Variants in OR9I1 observed in about 807,000 individuals in gnomAD.
OR9I1 encodes the protein olfactory receptor family 9 subfamily I member 1, also known as olfactory receptor 9I1.
In OR9I1, 7 loss-of-function variants were observed where a neutral mutation model predicts 11.2. The observed-to-expected ratio is 0.62, with a 90% CI of 0.36 to 1.17. OR9I1 has a LOEUF of 1.17. Ranked by LOEUF, OR9I1 falls within the 50% of genes most tolerant of loss-of-function variation. OR9I1 has a pLI of 0.02. For synonymous variants in OR9I1, 165 were observed against 153.4 expected, an observed-to-expected ratio of 1.08 and a Z score of -0.56; for missense variants, 428 against 377.2, an observed-to-expected ratio of 1.13 and a Z score of -1.12.
chr11:58,118,628 C>A lies in OR9I1; in HGVS notation c.817G>T (p.Val273Phe). 6.2e-7 allele frequency: 1 copy of A among 1,613,886 alleles called. No homozygotes were observed. Among genetic ancestry groups the A allele is most frequent in the Non-Finnish European group, 8.5e-7 (1 of 1,179,884 alleles). The change falls in exon 3 of 3, where the codon GTC becomes TTC. Residue 273 changes from valine to phenylalanine, a missense_variant. By Grantham distance (50) the Val-to-Phe change is conservative. Coordinates refer to ENST00000641439, the MANE Select transcript of OR9I1 (RefSeq NM_001005211.2). The stretch of plus-strand genomic sequence containing the variant: ...ACCACTGTATAGAAGACAGACACGA[C>A]TTTGTCTTCCTCCAGAGATTTGCCT... ...GSGKSLEEDK[V>F]VSVFYTVVIP... is the part of the protein sequence containing the mutation.
intron 2 of OR9I1, among the ~76,000 whole-genome samples, chr11:58,121,934 G>A (rs1369507097): frequency 6.6e-6 from 1 of 152,170 alleles, no homozygotes; most frequent in Non-Finnish European, 1.5e-5. Flanking sequence ...ACAACTGACA[G>A]AGGTTAATGA....
chr11:58,122,823 T>C (rs1053102737), intron 2 of OR9I1, among the ~76,000 whole-genome samples: 1 of 152,174 alleles, frequency 6.6e-6, no homozygotes, highest in African/African-American at 2.4e-5. Flanking sequence ...TTTTCATATT[T>C]ATTTAGAAAT....
In OR9I1 at chr11:58,118,437, C is replaced by A. The variant is rs758913342; in HGVS notation, c.*63G>T. The A allele has an allele frequency of 1.2e-5, 13 of 1,062,926 alleles. No individual in the cohort carries two copies. The highest frequency in any genetic ancestry group is 1.6e-5 in the Non-Finnish European group (12 of 728,140). The allele number at this position is 1,062,926 out of a possible 1,614,324, so 65.8% of individuals were successfully genotyped here. A position where few individuals can be genotyped will look rare whatever the true frequency, so the allele number is the denominator to read the frequency against. On this transcript the variant is annotated 3_prime_UTR_variant, in exon 3 of 3. Transcript: ENST00000641439. Reference sequence around the variant, plus strand: ...GTATAGGTTGCATATAGTAATGGTGCCTATTAGGATATATTCATATGGGAA... The same window carrying A: ...GTATAGGTTGCATATAGTAATGGTGACTATTAGGATATATTCATATGGGAA...
In OR9I1 at chr11:58,117,398, C is replaced by T. The variant is rs1853966857; in HGVS notation, c.*1102G>A. On this transcript the variant is annotated 3_prime_UTR_variant, in exon 3 of 3. Transcript: ENST00000641439. ...CTCTTTGACTCATGAGGAAGTACTT[C>T]CTTAATTGCAAAATGGGAATTTTAC... is the stretch of plus-strand genomic sequence containing the variant. 7.0e-6 allele frequency: 1 copy of T among 143,270 alleles called. No homozygotes were observed. The allele number at this position is 143,270 out of a possible 1,614,324, so 8.9% of individuals were successfully genotyped here. A position where few individuals can be genotyped will look rare whatever the true frequency, so the allele number is the denominator to read the frequency against.
Position 58,118,811 on chromosome 11 carries a change from A to G in OR9I1, c.634T>C (p.Ser212Pro), listed in dbSNP as rs371509891. ...AGCAGATAGGAAATCAGGATGACGGAGGCATTGGCCAAAATCACAAAATTG... is the reference window on the plus strand; with the variant it reads ...AGCAGATAGGAAATCAGGATGACGGGGGCATTGGCCAAAATCACAAAATTG... ...FGNFVILANA[S>P]VILISYLLII... Residue 212 changes from serine to proline, a missense_variant, in exon 3 of 3, where the codon TCC (serine) becomes CCC (proline). Ser to Pro is a moderately conservative substitution (Grantham distance 74). Transcript: ENST00000641439. 15 of 1,613,986 alleles carry G rather than the reference A, an allele frequency of 9.3e-6. No homozygotes were observed. The highest frequency in any genetic ancestry group is 1.7e-5 in the Admixed American group (1 of 60,004).
rs980261351 is a variant in OR9I1, at chr11:58,122,993, C to T, written c.-23+1445G>A. On this transcript the variant is annotated intron_variant, in intron 2 of 2. Transcript: ENST00000641439. ...TTTTTCGGATTTTGTTATGGTCTTG[C>T]TTGGTATGCTTATAACATATTTTAC... Among the ~76,000 whole-genome samples, 3 of 149,952 alleles carry T rather than the reference C, an allele frequency of 2.0e-5. No homozygotes were observed. The South Asian group carries it at 6.3e-4, about 32-fold the overall frequency.
At chr11:58,122,735 T>C (rs1224713988) in intron 2 of OR9I1, among the ~76,000 whole-genome samples, 1 of 151,878 alleles carries the variant, frequency 6.6e-6, no homozygotes, top group Non-Finnish European at 1.5e-5. Context: ...TAGTCCTGCC[T>C]CATTCTTACT....
chr11:58,119,445 G>A lies in OR9I1; in HGVS notation c.-1C>T, dbSNP rs1230009256. The stretch of plus-strand genomic sequence containing the variant: ...CTCTGGTGAGATTATTCTTGGCCAT[G>A]GAGACAATGTGGACTGTTGGTCTGA... On this transcript the variant is annotated 5_prime_UTR_variant, in exon 3 of 3. Coordinates refer to ENST00000641439, the MANE Select transcript of OR9I1 (RefSeq NM_001005211.2). 6.3e-7 allele frequency: 1 copy of A among 1,581,442 alleles called. No individual in the cohort carries two copies. Among genetic ancestry groups the A allele is most frequent in the African/African-American group, 1.3e-5 (1 of 74,198 alleles).
Position 58,119,065 on chromosome 11 carries a change from C to T in OR9I1, c.380G>A (p.Arg127His), listed in dbSNP as rs747198304. Reference protein sequence around the residue: ...VMAYDRYAAIRNPLLYTVAMN... With the variant: ...VMAYDRYAAIHNPLLYTVAMN... The stretch of plus-strand genomic sequence containing the variant: ...GGCCACGGTATAGAGCAGTGGGTTG[C>T]GAATGGCAGCATAGCGATCATAGGC... Residue 127 changes from arginine to histidine, a missense_variant, in exon 3 of 3, where the codon CGC becomes CAC. Physicochemically the swap from Arg to His is conservative, Grantham distance 29. Transcript: ENST00000641439. 2.5e-5 allele frequency: 41 copies of T among 1,613,798 alleles called. No individual in the cohort carries two copies. Among genetic ancestry groups the T allele is most frequent in the South Asian group, 3.3e-5 (3 of 91,084 alleles).
In OR9I1 at chr11:58,125,337, T is replaced by C. The variant is rs1590604541; in HGVS notation, c.-288A>G. On this transcript the variant is annotated 5_prime_UTR_variant, in exon 1 of 3. Transcript: ENST00000641439. ...CATGGTCCTATCAGATGACAACTTC[T>C]GATGACAAAGGCAAGATTCTCTGCC... The C allele has an allele frequency of 1.3e-5, 2 of 148,360 alleles. No individual in the cohort carries two copies. Among genetic ancestry groups the C allele is most frequent in the Admixed American group, 6.9e-5 (1 of 14,492 alleles). The allele number at this position is 148,360 out of a possible 1,614,324, so 9.2% of individuals were successfully genotyped here. A position where few individuals can be genotyped will look rare whatever the true frequency, so the allele number is the denominator to read the frequency against.
chr11:58,119,246 A>G lies in OR9I1; in HGVS notation c.199T>C (p.Ser67Pro). Residue 67 changes from serine to proline, a missense_variant, in exon 3 of 3, where the codon TCC becomes CCC. By Grantham distance (74) the Ser-to-Pro change is moderately conservative. Transcript: ENST00000641439. ...TPMYFFLSHL[S>P]LLDACYTSVI... ...GAGGTGTAACAGGCATCCAGCAGGG[A>G]GAGGTGGCTCAGGAAGAAGTACATT... 6.2e-7 allele frequency: 1 copy of G among 1,613,966 alleles called. No individual in the cohort carries two copies. The highest frequency in any genetic ancestry group is 8.5e-7 in the Non-Finnish European group (1 of 1,179,942).
Position 58,124,517 on chromosome 11 carries a change from C to T in OR9I1, c.-102G>A, listed in dbSNP as rs1854069481. The T allele has an allele frequency of 2.0e-5, 3 of 152,140 alleles. No individual in the cohort carries two copies. Among genetic ancestry groups the T allele is most frequent in the Non-Finnish European group, 2.9e-5 (2 of 68,036 alleles). The allele number at this position is 152,140 out of a possible 1,614,324, so 9.4% of individuals were successfully genotyped here. On this transcript the variant is annotated 5_prime_UTR_variant, in exon 2 of 3. Transcript: ENST00000641439. ...CCTTGGGGAGGGTGAAGGAGCTCAACAAAGTTAATGTTTCTCACCTTACTG... is the reference window on the plus strand; with the variant it reads ...CCTTGGGGAGGGTGAAGGAGCTCAATAAAGTTAATGTTTCTCACCTTACTG...
rs1419011629 is a variant in OR9I1 at position 58,116,812 on chromosome 11, T to G, written c.*1688A>C. 1 of 152,216 alleles carries G rather than the reference T, an allele frequency of 6.6e-6. No homozygotes were observed. Among genetic ancestry groups the G allele is most frequent in the East Asian group, 1.9e-4 (1 of 5,202 alleles). 9.4% of individuals were successfully genotyped at this position (152,216 alleles called of 1,614,324 possible). A position where few individuals can be genotyped will look rare whatever the true frequency, so the allele number is the denominator to read the frequency against. On this transcript the variant is annotated 3_prime_UTR_variant, in exon 3 of 3. Coordinates refer to ENST00000641439, the MANE Select transcript of OR9I1 (RefSeq NM_001005211.2). ...GAATTATTTTAATAAAATTGTTGTT[T>G]CCATATGGAGAGGCAATGAGGATCA...
Position 58,118,600 on chromosome 11 carries a change from A to G in OR9I1, c.845T>C (p.Ile282Thr). 6.2e-7 allele frequency: 1 copy of G among 1,613,956 alleles called. No individual in the cohort carries two copies. Among genetic ancestry groups the G allele is most frequent in the East Asian group, 2.2e-5 (1 of 44,864 alleles). ...GTAGATCAGAGGGTTCAGCATGGGG[A>G]TGACCACTGTATAGAAGACAGACAC... ...KVVSVFYTVV[I>T]PMLNPLIYSL... The change falls in exon 3 of 3, where the codon ATC becomes ACC. Residue 282 changes from isoleucine to threonine, a missense_variant. Coordinates refer to ENST00000641439, the MANE Select transcript of OR9I1 (RefSeq NM_001005211.2).
Position 58,118,376 on chromosome 11 carries a change from C to T in OR9I1, c.*124G>A. 1.5e-6 allele frequency: 1 copy of T among 660,284 alleles called. No homozygotes were observed. Among genetic ancestry groups the T allele is most frequent in the South Asian group, 2.2e-5 (1 of 46,136 alleles). 40.9% of individuals were successfully genotyped at this position (660,284 alleles called of 1,614,324 possible). A position where few individuals can be genotyped will look rare whatever the true frequency, so the allele number is the denominator to read the frequency against. On this transcript the variant is annotated 3_prime_UTR_variant, in exon 3 of 3. Transcript: ENST00000641439. Reference sequence around the variant, plus strand: ...CACAATTGTAGTTTTTCCTGTGTGCCTGGTGGTACCTATCTTCTGTCTTCT... The same window carrying T: ...CACAATTGTAGTTTTTCCTGTGTGCTTGGTGGTACCTATCTTCTGTCTTCT...
chr11:58,120,441 G>A (rs570983658), intron 2 of OR9I1, among the ~76,000 whole-genome samples: 102 of 151,810 alleles, frequency 6.7e-4, no homozygotes, highest in African/African-American at 2.0e-3. Context: ...ATCTTTTTTT[G>A]AATTTGAATA....
Position 58,119,449 on chromosome 11 carries a change from A to G in OR9I1, c.-5T>C, listed in dbSNP as rs764988325. 6.5e-7 allele frequency: 1 copy of G among 1,542,694 alleles called. No individual in the cohort carries two copies. The highest frequency in any genetic ancestry group is 8.9e-7 in the Non-Finnish European group (1 of 1,123,646). ...GGTGAGATTATTCTTGGCCATGGAG[A>G]CAATGTGGACTGTTGGTCTGAGGAT... is the stretch of plus-strand genomic sequence containing the variant. On this transcript the variant is annotated 5_prime_UTR_variant, in exon 3 of 3. Transcript: ENST00000641439.
chr11:58,123,240 C>T (rs994891120), intron 2 of OR9I1, among the ~76,000 whole-genome samples: 4 of 152,182 alleles, frequency 2.6e-5, no homozygotes, highest in Non-Finnish European at 5.9e-5. Context: ...TGTCTCCCTC[C>T]ATTTTCCTAT....
rs1482631894 is a variant in OR9I1, at chr11:58,119,386, T to C, written c.59A>G (p.His20Arg). ...AAAGAGGGGAATCTCCAATTTGGGG[T>C]GGTCCATAAAGCCCATGAGAATGAA... ...TEFILMGFMD[H>R]PKLEIPLFLV... Residue 20 changes from histidine to arginine, a missense_variant, in exon 3 of 3, where the codon CAC becomes CGC. Coordinates refer to ENST00000641439, the MANE Select transcript of OR9I1 (RefSeq NM_001005211.2). 1 of 1,613,810 alleles carries C rather than the reference T, an allele frequency of 6.2e-7. No homozygotes were observed. The highest frequency in any genetic ancestry group is 1.7e-5 in the Admixed American group (1 of 60,006).
Sources: gnomAD v4.1 joint callset for allele counts (sites outside exome capture counted in the v4.1 genomes callset) on GRCh38, gnomAD v4.1.1 for gene constraint, MANE v1.5 for transcripts, NCBI Gene and HGNC (gene_info 2026-07-23, HGNC 2026-07-21) for gene names.